Variants in CLVS1 observed in about 807,000 individuals in gnomAD.
CLVS1 encodes clavesin 1.
A neutral mutation model predicts 33.1 loss-of-function variants in CLVS1; 10 were observed. The observed-to-expected ratio is 0.30, with a 90% CI of 0.19 to 0.51. The LOEUF (loss-of-function observed/expected upper bound fraction) is 0.51, where lower values mean the gene tolerates loss of function less well. Ranked by LOEUF, CLVS1 falls within the 20% of genes least tolerant of loss-of-function variation. The pLI is 0.97. For synonymous variants in CLVS1, 163 were observed against 166.1 expected (o/e 0.98, Z 0.14); for missense variants, 343 against 433.4 (o/e 0.79, Z 1.85).
At chr8:61,320,321 CTG>C (rs1436246535) in intron 2 of CLVS1, among the ~76,000 whole-genome samples, 2 of 150,864 alleles carry the variant, frequency 1.3e-5, no homozygotes, top group African/African-American at 4.9e-5. Flanking sequence ...TTCATTTTTG[CTG>C]TATACATTTT....
At position 61,461,877 on chromosome 8, in the gene CLVS1, G is replaced by T. The variant is rs764629995; in HGVS notation, c.977+3335G>T. ...TTCTCCATACCCTGGAAAAATGCTT[G>T]ATATGACCAGACTTTAATTTTAATG... On this transcript the variant is annotated intron_variant, in intron 5 of 5. Coordinates refer to ENST00000325897, the MANE Select transcript of CLVS1 (RefSeq NM_173519.3). Among the ~76,000 whole-genome samples, 6 of 144,206 alleles carry T rather than the reference G, an allele frequency of 4.2e-5. No homozygotes were observed. In the South Asian group the frequency reaches 1.3e-3, roughly 31 times the overall value. The allele number at this position is 144,206 out of a possible 152,430, so 94.6% of individuals were successfully genotyped here.
intron 5 of CLVS1, among the ~76,000 whole-genome samples, chr8:61,461,183 T>C: frequency 6.6e-6 from 1 of 152,356 alleles, no homozygotes; most frequent in East Asian, 1.9e-4. Flanking sequence ...CATGAATTGA[T>C]GTCCACAACT....
At chr8:61,490,308 A>T (rs1382497439) in intron 5 of CLVS1, among the ~76,000 whole-genome samples, 1 of 150,814 alleles carries the variant, frequency 6.6e-6, no homozygotes. Context: ...GGGCAACAAA[A>T]GCAAAACTCC....
chr8:61,025,222 C>A, the CLVS1 span, among the ~76,000 whole-genome samples: 1 of 152,176 alleles, frequency 6.6e-6, no homozygotes, highest in Non-Finnish European at 1.5e-5. Flanking sequence ...TATACCATCA[C>A]TCTATAGTTT....
At chr8:61,262,256 T>A (rs1036476512) in intron 2 of CLVS1, among the ~76,000 whole-genome samples, 2 of 152,108 alleles carry the variant, frequency 1.3e-5, no homozygotes, top group East Asian at 3.9e-4. Context: ...GCTCCAGTGA[T>A]CCTCCTGCCT....
chr8:61,392,970 G>A (rs889322206), intron 3 of CLVS1, among the ~76,000 whole-genome samples: 5 of 151,922 alleles, frequency 3.3e-5, no homozygotes, highest in South Asian at 2.1e-4. Flanking sequence ...TGCAACCTCC[G>A]CCTCCTGGGT....
intron 3 of CLVS1, among the ~76,000 whole-genome samples, chr8:61,422,654 T>G (rs114195044): frequency 0.013 from 2,025 of 152,272 alleles, 47 homozygotes; most frequent in African/African-American, 0.047. Flanking sequence ...ATATAGTATT[T>G]GAATAGGGTT....
intron 2 of CLVS1, among the ~76,000 whole-genome samples, chr8:61,254,723 C>A (rs147638142): frequency 6.6e-6 from 1 of 152,266 alleles, no homozygotes; most frequent in African/African-American, 2.4e-5. Context: ...CTGAGCCAGG[C>A]ACGGGATATA....
intron 2 of CLVS1, among the ~76,000 whole-genome samples, chr8:61,313,164 G>C (rs976032684): frequency 2.0e-5 from 3 of 152,120 alleles, no homozygotes; most frequent in African/African-American, 7.2e-5. Flanking sequence ...AAACCCAGCG[G>C]GGAAGCTGGG....
chr8:61,059,497 TATACAC>T (rs1240714934), intron 1 of CLVS1, among the ~76,000 whole-genome samples: 9 of 100,714 alleles, frequency 8.9e-5, no homozygotes, highest in African/African-American at 2.7e-4. Flanking sequence ...TATATATATA[TATACAC>T]ATATCTTGAA....
chr8:61,390,583 C>A (rs1188675418), intron 3 of CLVS1, among the ~76,000 whole-genome samples: 1 of 152,168 alleles, frequency 6.6e-6, no homozygotes, highest in Non-Finnish European at 1.5e-5. Flanking sequence ...TTACTTGTAG[C>A]CTCTCCACAA....
At chr8:61,179,621 A>T (rs1178206630) in intron 2 of CLVS1, among the ~76,000 whole-genome samples, 1 of 152,252 alleles carries the variant, frequency 6.6e-6, no homozygotes, top group East Asian at 1.9e-4. Context: ...ATGCAAAAGA[A>T]CTGAAATAAT....
chr8:61,478,906 GC>G (rs1352664930), intron 5 of CLVS1, among the ~76,000 whole-genome samples: 3 of 152,108 alleles, frequency 2.0e-5, no homozygotes, highest in Non-Finnish European at 4.4e-5. Context: ...TTGAATATTG[GC>G]CCCCACTCTC....
chr8:61,494,482 A>C lies in CLVS1; in HGVS notation c.978-4973A>C, dbSNP rs113383641. ...CAGTGTTGGAAAGAGAACCCAAGAG[A>C]AATGTTTGTTTTAGCAGACATGTTA... On this transcript the variant is annotated intron_variant, in intron 5 of 5. Coordinates refer to ENST00000325897, the MANE Select transcript of CLVS1 (RefSeq NM_173519.3). 2.1e-3 allele frequency among the ~76,000 whole-genome samples: 313 copies of C among 152,252 alleles called. 1 individual carries two copies. The highest frequency in any genetic ancestry group is 6.8e-3 in the Middle Eastern group (2 of 294).
intron 2 of CLVS1, among the ~76,000 whole-genome samples, chr8:61,307,642 T>A (rs1184658250): frequency 1.3e-5 from 2 of 152,198 alleles, no homozygotes; most frequent in Non-Finnish European, 2.9e-5. Flanking sequence ...TTTTATTTAT[T>A]TACTTTGTAA....
chr8:60,973,481 C>G, the CLVS1 span, among the ~76,000 whole-genome samples: 1 of 152,150 alleles, frequency 6.6e-6, no homozygotes, highest in Non-Finnish European at 1.5e-5. Context: ...CAATTCTTGC[C>G]TCCTCAGAAG....
intron 3 of CLVS1, among the ~76,000 whole-genome samples, chr8:61,399,553 T>A (rs1361469286): frequency 2.0e-5 from 3 of 152,252 alleles, no homozygotes; most frequent in African/African-American, 7.2e-5. Context: ...ATCCCATTTG[T>A]CAATTTTTGC....
the CLVS1 span, among the ~76,000 whole-genome samples, chr8:60,996,030 G>A: frequency 1.3e-5 from 2 of 152,154 alleles, no homozygotes; most frequent in African/African-American, 2.4e-5. Context: ...GGGTAGGGGG[G>A]AGGGATAGCA....
intron 2 of CLVS1, among the ~76,000 whole-genome samples, chr8:61,140,608 G>T (rs1272483380): frequency 2.0e-5 from 3 of 152,070 alleles, no homozygotes; most frequent in Non-Finnish European, 4.4e-5. Context: ...TGTCGCCCAG[G>T]CTGGAGCGCA....
Sources: gnomAD v4.1 joint callset for allele counts (sites outside exome capture counted in the v4.1 genomes callset) on GRCh38, gnomAD v4.1.1 for gene constraint, MANE v1.5 for transcripts, NCBI Gene and HGNC (gene_info 2026-07-23, HGNC 2026-07-21) for gene names.